PTGER3: variants seen among roughly 807,000 people sequenced by gnomAD.
PTGER3 encodes the protein prostaglandin E receptor 3.
In PTGER3, 22 loss-of-function variants were observed where a neutral mutation model predicts 34.7. The ratio of observed to expected loss-of-function variants is 0.63; its 90% CI spans 0.45 to 0.91. PTGER3 has a LOEUF of 0.91. Ranked by LOEUF, PTGER3 falls within the 40% of genes least tolerant of loss-of-function variation. The pLI, the probability that PTGER3 is intolerant of heterozygous loss-of-function variation, is 0.00. For synonymous variants in PTGER3, 241 were observed against 230.1 expected, an observed-to-expected ratio of 1.05 and a Z score of -0.43; for missense variants, 468 against 519.4, an observed-to-expected ratio of 0.90 and a Z score of 0.96.
chr1:70,936,088 A>C (rs2100521110), intron 4 of PTGER3, among the ~76,000 whole-genome samples: 1 of 152,308 alleles, frequency 6.6e-6, no homozygotes, highest in South Asian at 2.1e-4. Context: ...ATGTGAAATA[A>C]TACAAAGTGG....
intron 4 of PTGER3, among the ~76,000 whole-genome samples, chr1:70,940,905 T>C (rs963577405): frequency 2.6e-5 from 4 of 152,196 alleles, no homozygotes; most frequent in Non-Finnish European, 5.9e-5. Flanking sequence ...CATGGTCACA[T>C]GATCATCTTT....
intron 4 of PTGER3, among the ~76,000 whole-genome samples, chr1:70,935,321 T>C (rs999485977): frequency 3.3e-5 from 5 of 152,142 alleles, no homozygotes; most frequent in Non-Finnish European, 5.9e-5. Flanking sequence ...ATCTAGTCAG[T>C]ATTATTTAGA....
At chr1:71,032,165 T>A (rs1050446357) in intron 1 of PTGER3, among the ~76,000 whole-genome samples, 1 of 152,206 alleles carries the variant, frequency 6.6e-6, no homozygotes, top group Non-Finnish European at 1.5e-5. Context: ...GAACTTCTTT[T>A]TTCTTCTCTA....
chr1:70,908,926 T>C (rs1376326358), intron 4 of PTGER3, among the ~76,000 whole-genome samples: 2 of 152,204 alleles, frequency 1.3e-5, no homozygotes, highest in Non-Finnish European at 2.9e-5. Context: ...AAGTGAGGCA[T>C]ACAGAGGTTG....
chr1:70,966,118 G>T (rs796078512), downstream of PTGER3, among the ~76,000 whole-genome samples: 21 of 152,322 alleles, frequency 1.4e-4, no homozygotes, highest in African/African-American at 5.1e-4. Flanking sequence ...TTTGCTCAAA[G>T]AAGTAATACA....
At chr1:70,972,940 A>G (rs1202248549) in intron 3 of PTGER3, among the ~76,000 whole-genome samples, 1 of 152,100 alleles carries the variant, frequency 6.6e-6, no homozygotes, top group African/African-American at 2.4e-5. Context: ...AAGTTTCCAT[A>G]GAGAACAGGG....
intron 4 of PTGER3, among the ~76,000 whole-genome samples, chr1:70,876,281 G>GT (rs202101787): frequency 0.039 from 5,159 of 132,104 alleles, 282 homozygotes; most frequent in East Asian, 0.21. Flanking sequence ...TTTTTAATGG[G>GT]TTTTTTTTTT....
chr1:71,011,514 T>C lies in PTGER3; in HGVS notation c.1077+791A>G, dbSNP rs957970857. The C allele has an allele frequency of 1.8e-5, 18 of 985,204 alleles. No individual in the cohort carries two copies. The African/African-American group carries it at 1.9e-4, about 11-fold the overall frequency. 61.0% of individuals were successfully genotyped at this position (985,204 alleles called of 1,614,324 possible). A position where few individuals can be genotyped will look rare whatever the true frequency, so the allele number is the denominator to read the frequency against. ...GTTTCATGAATCTTCCTTAGGCTCA[T>C]AGAAATGTAAAATATATTCAAAAGA... On this transcript the variant is annotated intron_variant, in intron 2 of 3. Transcript: ENST00000306666.
intron 4 of PTGER3, among the ~76,000 whole-genome samples, chr1:70,930,342 A>G (rs1648565241): frequency 6.6e-6 from 1 of 152,174 alleles, no homozygotes; most frequent in Non-Finnish European, 1.5e-5. Context: ...GCCTCTTATT[A>G]TCTTGTCCTT....
Position 71,010,676 on chromosome 1 carries a change from C to A in PTGER3, c.1077+1629G>T, listed in dbSNP as rs1657360316. The A allele has an allele frequency of 3.0e-6, 3 of 983,874 alleles. No homozygotes were observed. The South Asian group carries it at 1.4e-4, about 46-fold the overall frequency. The allele number at this position is 983,874 out of a possible 1,614,324, so 60.9% of individuals were successfully genotyped here. On this transcript the variant is annotated intron_variant, in intron 2 of 3. Transcript: ENST00000306666. ...CCTACAGGATAATCCAATTCTATGG[C>A]ATAGAGAGATTTTAGTATAGTCTAT...
intron 4 of PTGER3, among the ~76,000 whole-genome samples, chr1:70,946,148 CA>C (rs1269423784): frequency 6.6e-6 from 1 of 152,058 alleles, no homozygotes; most frequent in Non-Finnish European, 1.5e-5. Context: ...CCCTCACTTG[CA>C]GAGTCAGATA....
intron 1 of PTGER3, among the ~76,000 whole-genome samples, chr1:71,025,131 C>CCCTTCATTCCTTCCTT (rs1658799460): frequency 8.0e-6 from 1 of 124,354 alleles, no homozygotes; most frequent in Non-Finnish European, 1.6e-5. Flanking sequence ...AGATTCCAGG[C>CCCTTCATTCCTTCCTT]CCTTCCTTCC....
intron 1 of PTGER3, among the ~76,000 whole-genome samples, chr1:71,032,840 C>T (rs1007589999): frequency 6.6e-6 from 1 of 152,148 alleles, no homozygotes; most frequent in African/African-American, 2.4e-5. Context: ...AACTGCTCTC[C>T]TTTTAGGAGA....
At chr1:70,949,766 G>A (rs908709318), downstream of PTGER3, among the ~76,000 whole-genome samples, 1 of 152,130 alleles carries the variant, frequency 6.6e-6, no homozygotes, top group South Asian at 2.1e-4. Context: ...TTTCTATCCT[G>A]TCCAATATGA....
intron 4 of PTGER3, among the ~76,000 whole-genome samples, chr1:70,915,809 G>T (rs1647162598): frequency 6.6e-6 from 1 of 151,752 alleles, no homozygotes; most frequent in Admixed American, 6.6e-5. Flanking sequence ...CTATGTGTCT[G>T]TTTCTCAGAA....
At chr1:70,855,651 GA>G (rs1283615242) in intron 4 of PTGER3, among the ~76,000 whole-genome samples, 1 of 152,170 alleles carries the variant, frequency 6.6e-6, no homozygotes, top group East Asian at 1.9e-4. Flanking sequence ...AAATTTGAAA[GA>G]ATTATGACAG....
At chr1:70,886,951 C>T (rs1646511375) in intron 4 of PTGER3, among the ~76,000 whole-genome samples, 1 of 152,178 alleles carries the variant, frequency 6.6e-6, no homozygotes, top group South Asian at 2.1e-4. Context: ...AATAAGTTAA[C>T]ACTAGAGACA....
In PTGER3 at chr1:71,047,811, C is replaced by G; in HGVS notation, c.-234G>C. 1 of 374,946 alleles carries G rather than the reference C, an allele frequency of 2.7e-6. No individual in the cohort carries two copies. The highest frequency in any genetic ancestry group is 1.4e-4 in the South Asian group (1 of 7,380). The allele number at this position is 374,946 out of a possible 1,614,324, so 23.2% of individuals were successfully genotyped here. On this transcript the variant is annotated 5_prime_UTR_variant, in exon 1 of 4. Transcript: ENST00000306666. Reference sequence around the variant, plus strand: ...TTCCTCTCTGGGAAACCTCTGGTGGCGAGGCGCGCGGAGGTGCCGAGTCCC... The same window carrying G: ...TTCCTCTCTGGGAAACCTCTGGTGGGGAGGCGCGCGGAGGTGCCGAGTCCC...
chr1:71,010,438 T>C, intron 2 of PTGER3: 1 of 984,338 alleles, frequency 1.0e-6, no homozygotes, highest in Non-Finnish European at 1.2e-6. Context: ...AATAAATATG[T>C]ATTAGACAGT....
Sources: gnomAD v4.1 joint callset for allele counts (sites outside exome capture counted in the v4.1 genomes callset) on GRCh38, gnomAD v4.1.1 for gene constraint, MANE v1.5 for transcripts, NCBI Gene and HGNC (gene_info 2026-07-23, HGNC 2026-07-21) for gene names.